The following HCK variants were observed in gnomAD, a reference collection of about 807,000 sequenced individuals.
The protein encoded by HCK is HCK proto-oncogene, Src family tyrosine kinase.
In HCK, 40 loss-of-function variants were observed where a neutral mutation model predicts 70.4. The ratio of observed to expected loss-of-function variants is 0.57; its 90% confidence interval spans 0.44 to 0.74. The LOEUF (loss-of-function observed/expected upper bound fraction) is 0.74. HCK is among the 30% of genes least tolerant of loss of function. HCK has a pLI of 0.00. For missense variants in HCK, 568 were observed against 697.2 expected (o/e 0.81, Z 2.09); for synonymous variants, 245 against 263.2 (o/e 0.93, Z 0.67).
At chr20:32,088,436 A>G in intron 9 of HCK, 132 bp from the exon 10 acceptor site, 1 of 619,746 alleles carries the variant, frequency 1.6e-6, no homozygotes, top group Non-Finnish European at 2.8e-6. Flanking sequence ...GCAAACAAAT[A>G]TTCGTATTTA....
At chr20:32,063,992 CTTTTTTTTTTTT>C (rs58620860) in intron 1 of HCK, among the ~76,000 whole-genome samples, 10 of 54,210 alleles carry the variant, frequency 1.8e-4, no homozygotes, top group Non-Finnish European at 2.8e-4. Flanking sequence ...ATCTCTACTT[CTTTTTTTTTTTT>C]TTTTTTTTTT....
chr20:32,079,694 C>A (rs938154341), intron 5 of HCK, 80 bp from the exon 6 acceptor site: 1 of 901,236 alleles, frequency 1.1e-6, no homozygotes, highest in East Asian at 2.6e-5. Flanking sequence ...CTGGGACCTG[C>A]ATGGCCACAG....
Position 32,101,637 on chromosome 20 carries a change from CCA to C in HCK, c.*121_*122del, listed in dbSNP as rs980098582. 1.8e-5 allele frequency: 14 copies of C among 771,928 alleles called. No individual in the cohort carries two copies. The African/African-American group carries it at 2.4e-4, about 13-fold the overall frequency. The allele number at this position is 771,928 out of a possible 1,614,324, so 47.8% of individuals were successfully genotyped here. On this transcript the variant is annotated 3_prime_UTR_variant, in exon 13 of 13. Transcript: ENST00000375852. ...TCCCAGACACCCACCCTCGCTTCAG[CCA>C]CAGTTTCCTCATCTGTCCAGTGGGT...
intron 1 of HCK, among the ~76,000 whole-genome samples, chr20:32,060,471 G>A (rs1450655834): frequency 2.0e-5 from 3 of 152,072 alleles, no homozygotes; most frequent in Non-Finnish European, 4.4e-5. Flanking sequence ...TCCGCCTGCT[G>A]ACCTCAGGTG....
In HCK at chr20:32,071,651, GT is replaced by G. The variant is rs747595004; in HGVS notation, c.63-10del. On this transcript the variant is annotated splice_polypyrimidine_tract_variant and intron_variant, in intron 1 of 12. Transcript: ENST00000375852. The stretch of plus-strand genomic sequence containing the variant: ...GGTAACTGGGGCTCACCTCCCTTCT[GT>G]CTGCTGCAGGATGGGGTGCATGAAG... 7.4e-6 allele frequency: 12 copies of G among 1,613,230 alleles called. No individual in the cohort carries two copies. The highest frequency in any genetic ancestry group is 8.5e-6 in the Non-Finnish European group (10 of 1,179,546).
chr20:32,059,932 C>G (rs539625987), intron 1 of HCK, among the ~76,000 whole-genome samples: 2 of 152,070 alleles, frequency 1.3e-5, no homozygotes, highest in East Asian at 3.9e-4. Context: ...AGACCTGGAG[C>G]TTTGTCAATT....
rs1600727126 is a variant in HCK at position 32,079,896 on chromosome 20, A to C, written c.532+19A>C. On this transcript the variant is annotated intron_variant, in intron 6 of 12. Coordinates refer to ENST00000375852, the MANE Select transcript of HCK (RefSeq NM_002110.5). ...ACTAAAGGTGACACCAGCCCTCCCCACCTTGTCCTCCCTGCCGAGGTGCCC... is the reference window on the plus strand; with the variant it reads ...ACTAAAGGTGACACCAGCCCTCCCCCCCTTGTCCTCCCTGCCGAGGTGCCC... 1.3e-6 allele frequency: 2 copies of C among 1,547,500 alleles called. No individual in the cohort carries two copies. Among genetic ancestry groups the C allele is most frequent in the Non-Finnish European group, 1.8e-6 (2 of 1,121,136 alleles).
intron 6 of HCK, among the ~76,000 whole-genome samples, chr20:32,080,843 T>C (rs543312336): frequency 1.6e-4 from 25 of 152,036 alleles, no homozygotes; most frequent in Non-Finnish European, 2.8e-4. Flanking sequence ...ACAGACCAAG[T>C]AGGGGAGGCC....
At chr20:32,091,311 G>A (rs2045860590) in intron 10 of HCK, among the ~76,000 whole-genome samples, 1 of 152,330 alleles carries the variant, frequency 6.6e-6, no homozygotes, top group Admixed American at 6.5e-5. Context: ...GTAAGTGCGT[G>A]GACCCCAAGC....
At chr20:32,055,640 A>C (rs2045259335) in intron 1 of HCK, among the ~76,000 whole-genome samples, 2 of 152,330 alleles carry the variant, frequency 1.3e-5, no homozygotes, top group Middle Eastern at 3.4e-3. Flanking sequence ...TATAGTTCAA[A>C]ATTTTTAGAA....
At chr20:32,094,798 A>AC (rs1569010605) in intron 11 of HCK, among the ~76,000 whole-genome samples, 75 of 34,314 alleles carry the variant, frequency 2.2e-3, no homozygotes, top group African/African-American at 4.8e-3. Context: ...AGAAAGAAAG[A>AC]AAGAAAGAAA....
chr20:32,076,231 C>T (rs1462188244), intron 5 of HCK, among the ~76,000 whole-genome samples: 3 of 152,082 alleles, frequency 2.0e-5, no homozygotes, highest in Non-Finnish European at 4.4e-5. Context: ...GAGGCTGAGG[C>T]AGGAGAATCA....
intron 5 of HCK, among the ~76,000 whole-genome samples, chr20:32,077,296 G>C (rs1410568599): frequency 6.6e-6 from 1 of 152,050 alleles, no homozygotes; most frequent in African/African-American, 2.4e-5. Context: ...TGCAAATGTG[G>C]GGAAGCATGC....
At chr20:32,083,738 G>A (rs558807668) in intron 6 of HCK, among the ~76,000 whole-genome samples, 156 bp from the exon 7 acceptor site, 5 of 152,340 alleles carry the variant, frequency 3.3e-5, no homozygotes, top group Admixed American at 3.3e-4. Flanking sequence ...TGAGAGCCCA[G>A]GATGCCTGGC....
intron 9 of HCK, among the ~76,000 whole-genome samples, chr20:32,087,157 C>T (rs953517792): frequency 6.6e-6 from 1 of 152,224 alleles, no homozygotes; most frequent in Non-Finnish European, 1.5e-5. Flanking sequence ...CCGCATCAGC[C>T]ACCTTCCCTG....
chr20:32,057,013 T>C (rs79432199), intron 1 of HCK, among the ~76,000 whole-genome samples: 6,424 of 152,292 alleles, frequency 0.042, 347 homozygotes, highest in African/African-American at 0.13. Flanking sequence ...CAGCGATTAT[T>C]TTTAATTAGT....
intron 6 of HCK, 99 bp from the exon 7 acceptor site, chr20:32,083,795 G>A: frequency 1.4e-6 from 2 of 1,419,642 alleles, no homozygotes; most frequent in Non-Finnish European, 2.0e-6. Flanking sequence ...CAGGTGTCAG[G>A]ACGGTGCCAG....
chr20:32,052,432 G>C lies in HCK; in HGVS notation c.8G>C (p.Gly3Ala). 3 of 1,283,584 alleles carry C rather than the reference G, an allele frequency of 2.3e-6. No homozygotes were observed. Among genetic ancestry groups the C allele is most frequent in the Non-Finnish European group, 3.0e-6 (3 of 1,006,114 alleles). The allele number at this position is 1,283,584 out of a possible 1,614,324, so 79.5% of individuals were successfully genotyped here. A position where few individuals can be genotyped will look rare whatever the true frequency, so the allele number is the denominator to read the frequency against. ...ACCTCAGGGGCTGCCGAGCTGGGGGGGCGCTCAAGCTGCGAGGATCCGGGC... is the reference window on the plus strand; with the variant it reads ...ACCTCAGGGGCTGCCGAGCTGGGGGCGCGCTCAAGCTGCGAGGATCCGGGC... The change falls in exon 1 of 13, where the codon GGG becomes GCG. Residue 3 changes from glycine (G) to alanine (A), a missense_variant. By Grantham distance (60) the Gly-to-Ala change is moderately conservative. This residue lies in a region of HCK where 318 missense variants were observed against 336.0 expected (regional missense o/e 0.95). Coordinates refer to ENST00000375852, the MANE Select transcript of HCK (RefSeq NM_002110.5).
intron 10 of HCK, 47 bp from the exon 11 acceptor site, chr20:32,093,816 G>A (rs1404732043): frequency 6.4e-7 from 1 of 1,561,586 alleles, no homozygotes; most frequent in Non-Finnish European, 8.7e-7. Context: ...GGGCCATCTT[G>A]GCGTAGGCCA....
Sources: allele counts gnomAD v4.1 joint callset (sites outside exome capture counted in the v4.1 genomes callset), GRCh38; gene constraint gnomAD v4.1.1; regional missense constraint gnomAD v4.1.1; transcripts MANE v1.5; gene names NCBI Gene and HGNC (gene_info 2026-07-23, HGNC 2026-07-21).